Variants in GPHN observed in about 807,000 individuals in gnomAD.
GPHN encodes gephyrin.
GPHN carries 17 observed loss-of-function variants against 95.5 expected under a neutral mutation model. The ratio of observed to expected loss-of-function variants is 0.18; its 90% CI spans 0.12 to 0.27. GPHN has a LOEUF of 0.27. Ranked by LOEUF, GPHN falls within the 10% of genes least tolerant of loss-of-function variation. GPHN has a pLI of 1.00. For missense variants in GPHN, 660 were observed against 978.1 expected, an observed-to-expected ratio of 0.67 and a Z score of 4.34; for synonymous variants, 320 against 322.5, an observed-to-expected ratio of 0.99 and a Z score of 0.08.
the GPHN span, among the ~76,000 whole-genome samples, chr14:67,252,388 C>A: frequency 2.0e-5 from 3 of 152,096 alleles, no homozygotes; most frequent in Admixed American, 2.0e-4. Context: ...CTCCTGGTCT[C>A]CAGCAGTCCT....
At chr14:67,511,761 C>T in the GPHN span, among the ~76,000 whole-genome samples, 1 of 152,178 alleles carries the variant, frequency 6.6e-6, no homozygotes, top group Non-Finnish European at 1.5e-5. Flanking sequence ...CATAGGGGAA[C>T]TGATGTTAAA....
chr14:67,200,534 A>G, the GPHN span: 1 of 260,202 alleles, frequency 3.8e-6, no homozygotes, highest in East Asian at 1.0e-4. Flanking sequence ...AGAGAAAATA[A>G]AACTAAACTC....
At chr14:66,580,022 CTT>C (rs1463919561) in intron 1 of GPHN, among the ~76,000 whole-genome samples, 3 of 151,724 alleles carry the variant, frequency 2.0e-5, no homozygotes, top group African/African-American at 7.2e-5. Context: ...TATCAAGTAT[CTT>C]TTTTAACCAC....
At chr14:66,931,418 A>G (rs2066791855) in intron 8 of GPHN, among the ~76,000 whole-genome samples, 1 of 151,902 alleles carries the variant, frequency 6.6e-6, no homozygotes, top group Non-Finnish European at 1.5e-5. Flanking sequence ...ATCTTTGTTA[A>G]TATCTCTTTG....
intron 3 of GPHN, among the ~76,000 whole-genome samples, chr14:66,779,394 G>T (rs2059522880): frequency 6.6e-6 from 1 of 152,006 alleles, no homozygotes; most frequent in South Asian, 2.1e-4. Flanking sequence ...AAAAGCATGA[G>T]GATATTACTT....
At chr14:67,676,548 A>G in the GPHN span, among the ~76,000 whole-genome samples, 1 of 152,226 alleles carries the variant, frequency 6.6e-6, no homozygotes, top group Non-Finnish European at 1.5e-5. Context: ...TGGGCAACAA[A>G]GCAAGACGCT....
chr14:66,715,672 G>A (rs1595665954), intron 2 of GPHN, among the ~76,000 whole-genome samples: 2 of 152,022 alleles, frequency 1.3e-5, no homozygotes, highest in African/African-American at 2.4e-5. Context: ...GTTTTGATAG[G>A]TTGTGTCACT....
At chr14:67,141,910 C>T (rs1371815872) in intron 17 of GPHN, among the ~76,000 whole-genome samples, 1 of 152,210 alleles carries the variant, frequency 6.6e-6, no homozygotes, top group African/African-American at 2.4e-5. Flanking sequence ...ATAAACTTCA[C>T]TGCCATGAGA....
At chr14:66,707,659 C>T (rs965914363) in intron 2 of GPHN, among the ~76,000 whole-genome samples, 4 of 152,122 alleles carry the variant, frequency 2.6e-5, no homozygotes, top group African/African-American at 7.2e-5. Flanking sequence ...ACACCAGGGC[C>T]TGTTGGGCGG....
At chr14:66,794,919 T>C (rs1350068115) in intron 3 of GPHN, among the ~76,000 whole-genome samples, 3 of 152,188 alleles carry the variant, frequency 2.0e-5, no homozygotes, top group Admixed American at 6.6e-5. Context: ...TGGATTTGTC[T>C]ATTTTTTCTT....
At chr14:67,459,455 G>A in the GPHN span, among the ~76,000 whole-genome samples, 1 of 152,134 alleles carries the variant, frequency 6.6e-6, no homozygotes, top group Non-Finnish European at 1.5e-5. Flanking sequence ...TTCATTTCTG[G>A]CACCTTCTTG....
intron 8 of GPHN, among the ~76,000 whole-genome samples, chr14:66,949,176 CT>C (rs1421515505): frequency 6.6e-6 from 1 of 152,172 alleles, no homozygotes; most frequent in African/African-American, 2.4e-5. Flanking sequence ...CTTTCACCTC[CT>C]GGGTTCAAGC....
At chr14:67,679,848 A>T in the GPHN span, among the ~76,000 whole-genome samples, 1 of 152,380 alleles carries the variant, frequency 6.6e-6, no homozygotes, top group Non-Finnish European at 1.5e-5. Context: ...TGAATGTATT[A>T]CAATCTTTAG....
chr14:67,333,008 A>T, the GPHN span: 1 of 1,520,086 alleles, frequency 6.6e-7, no homozygotes. Context: ...AAAACTGCCA[A>T]TAGGAGGACT....
intron 1 of GPHN, among the ~76,000 whole-genome samples, chr14:66,525,638 A>G (rs1170506317): frequency 6.6e-6 from 1 of 152,196 alleles, no homozygotes; most frequent in Non-Finnish European, 1.5e-5. Context: ...CTTACATTTA[A>G]GTATTTAATC....
At chr14:66,783,994 G>A (rs946103614) in intron 3 of GPHN, among the ~76,000 whole-genome samples, 7 of 151,962 alleles carry the variant, frequency 4.6e-5, no homozygotes, top group African/African-American at 1.7e-4. Context: ...ATCATACCAA[G>A]AACAAGGAAA....
At chr14:66,534,175 G>T (rs1212860042) in intron 1 of GPHN, among the ~76,000 whole-genome samples, 1 of 152,110 alleles carries the variant, frequency 6.6e-6, no homozygotes, top group Non-Finnish European at 1.5e-5. Flanking sequence ...GATGTTAATT[G>T]TATAGCATGG....
chr14:67,587,525 T>C, the GPHN span: 1 of 439,014 alleles, frequency 2.3e-6, no homozygotes, highest in South Asian at 2.2e-5. Flanking sequence ...TGATCCACTG[T>C]TACTGAGGGC....
intron 1 of GPHN, among the ~76,000 whole-genome samples, chr14:66,623,097 G>A (rs1377809805): frequency 3.9e-5 from 6 of 152,250 alleles, no homozygotes; most frequent in South Asian, 2.1e-4. Flanking sequence ...TCATGACTGG[G>A]GAGGCCTCAC....
Sources: allele counts gnomAD v4.1 joint callset (sites outside exome capture counted in the v4.1 genomes callset), GRCh38; gene constraint gnomAD v4.1.1; transcripts MANE v1.5; gene names NCBI Gene and HGNC (gene_info 2026-07-23, HGNC 2026-07-21).